PSEN1: variants seen among roughly 807,000 people sequenced by gnomAD.
PSEN1 encodes the protein presenilin-1.
PSEN1 carries 15 observed loss-of-function variants against 53.5 expected under a neutral mutation model. The observed-to-expected ratio is 0.28, with a 90% CI of 0.19 to 0.43. The LOEUF is 0.43. Ranked by LOEUF, PSEN1 falls within the 20% of genes least tolerant of loss-of-function variation. The pLI is 1.00. For missense variants in PSEN1, 387 were observed against 571.2 expected, an observed-to-expected ratio of 0.68 and a Z score of 3.29; for synonymous variants, 208 against 209.8, an observed-to-expected ratio of 0.99 and a Z score of 0.08.
intron 8 of PSEN1, among the ~76,000 whole-genome samples, chr14:73,202,111 C>A (rs2140114052): frequency 6.6e-6 from 1 of 152,066 alleles, no homozygotes; most frequent in African/African-American, 2.4e-5. Flanking sequence ...GTGGCGCAAT[C>A]TCAGCTCACT....
intron 5 of PSEN1, among the ~76,000 whole-genome samples, chr14:73,180,808 T>C (rs1258552219): frequency 1.3e-5 from 2 of 152,286 alleles, no homozygotes; most frequent in Non-Finnish European, 1.5e-5. Context: ...GTGTATAACA[T>C]AGTAATAAAA....
chr14:73,210,231 G>A (rs941759687), intron 9 of PSEN1, among the ~76,000 whole-genome samples: 1 of 152,088 alleles, frequency 6.6e-6, no homozygotes, highest in African/African-American at 2.4e-5. Context: ...TTCATCAGTG[G>A]AAAAAAATGA....
At chr14:73,182,352 G>C (rs952983543) in intron 5 of PSEN1, among the ~76,000 whole-genome samples, 1 of 151,866 alleles carries the variant, frequency 6.6e-6, no homozygotes, top group African/African-American at 2.4e-5. Context: ...AATTAGCCAG[G>C]CATGGTGGTG....
chr14:73,179,648 ACTGT>A (rs1898148218), intron 5 of PSEN1, among the ~76,000 whole-genome samples: 1 of 152,178 alleles, frequency 6.6e-6, no homozygotes, highest in African/African-American at 2.4e-5. Context: ...GGATTTTTAC[ACTGT>A]CTGGGTGTTA....
chr14:73,149,472 T>G (rs1306567617), intron 3 of PSEN1, among the ~76,000 whole-genome samples: 1 of 152,204 alleles, frequency 6.6e-6, no homozygotes, highest in East Asian at 1.9e-4. Flanking sequence ...GCAGTTGAAC[T>G]AGAGCACTGA....
At position 73,220,813 on chromosome 14, in the gene PSEN1, A is replaced by G. The variant is rs1454450783; in HGVS notation, c.*1524A>G. 1 of 152,322 alleles carries G rather than the reference A, an allele frequency of 6.6e-6. No individual in the cohort carries two copies. Among genetic ancestry groups the G allele is most frequent in the African/African-American group, 2.4e-5 (1 of 41,446 alleles). 9.4% of individuals were successfully genotyped at this position (152,322 alleles called of 1,614,324 possible). On this transcript the variant is annotated 3_prime_UTR_variant, in exon 12 of 12. Coordinates refer to ENST00000324501, the MANE Select transcript of PSEN1 (RefSeq NM_000021.4). Reference sequence around the variant, plus strand: ...TGGGCAGCTCAGTCAGGCAAAACACACAAACAGCCATCAGCCTGTGTGGGC... The same window carrying G: ...TGGGCAGCTCAGTCAGGCAAAACACGCAAACAGCCATCAGCCTGTGTGGGC...
chr14:73,187,853 A>G (rs1164119504), intron 6 of PSEN1, among the ~76,000 whole-genome samples: 1 of 152,230 alleles, frequency 6.6e-6, no homozygotes, highest in Admixed American at 6.5e-5. Context: ...TTATCAAGTA[A>G]AAGAAAACTA....
At chr14:73,179,574 G>A (rs904526189) in intron 5 of PSEN1, among the ~76,000 whole-genome samples, 1 of 152,142 alleles carries the variant, frequency 6.6e-6, no homozygotes, top group African/African-American at 2.4e-5. Flanking sequence ...CCAAGATCGT[G>A]CCACTGCACT....
intron 10 of PSEN1, among the ~76,000 whole-genome samples, chr14:73,216,006 A>T (rs994290057): frequency 6.6e-6 from 1 of 152,244 alleles, no homozygotes; most frequent in Admixed American, 6.5e-5. Flanking sequence ...ATAAATGTTC[A>T]TAGCAGCATT....
At chr14:73,162,445 G>GCT (rs1326903978) in intron 3 of PSEN1, among the ~76,000 whole-genome samples, 2 of 142,294 alleles carry the variant, frequency 1.4e-5, no homozygotes, top group African/African-American at 5.1e-5. Context: ...GCTCGCTCGC[G>GCT]CGCTCTCTCT....
intron 10 of PSEN1, 80 bp from the exon 11 acceptor site, chr14:73,217,046 T>A (rs1306210446): frequency 6.4e-6 from 9 of 1,410,844 alleles, no homozygotes; most frequent in Middle Eastern, 3.5e-4. Flanking sequence ...TGGGGTTGAG[T>A]AGGGCAGTGA....
intron 3 of PSEN1, among the ~76,000 whole-genome samples, chr14:73,158,360 C>G (rs561240559): frequency 1.3e-5 from 2 of 151,172 alleles, no homozygotes; most frequent in Non-Finnish European, 2.9e-5. Context: ...TTTGCTCCAT[C>G]TGGAGCAAAG....
intron 7 of PSEN1, 32 bp downstream of exon 7, chr14:73,192,896 C>A: frequency 6.6e-7 from 1 of 1,509,974 alleles, no homozygotes; most frequent in Non-Finnish European, 9.2e-7. Context: ...TTGTTTGTCA[C>A]AGGAATGCCC....
rs371588222 is a variant in PSEN1 at position 73,162,473 on chromosome 14, GGAGA to G, written c.88-8306_88-8303del. On this transcript the variant is annotated intron_variant, in intron 3 of 11. Transcript: ENST00000324501. Reference sequence around the variant, plus strand: ...CTCTCTCTCTCTCTCTCCATGAGAAGGAGAGAGAGAGAGAGAGAGAGCACGCGAA... The same window carrying G: ...CTCTCTCTCTCTCTCTCCATGAGAAGGAGAGAGAGAGAGAGAGCACGCGAA... Among the ~76,000 whole-genome samples, 248 of 145,424 alleles carry G rather than the reference GGAGA, an allele frequency of 1.7e-3. 1 individual carries two copies. The highest frequency in any genetic ancestry group is 5.4e-3 in the African/African-American group (216 of 39,638).
chr14:73,158,287 T>C (rs1201557174), intron 3 of PSEN1, among the ~76,000 whole-genome samples: 1 of 95,734 alleles, frequency 1.0e-5, no homozygotes, highest in Non-Finnish European at 2.3e-5. Flanking sequence ...TTTTTTTCTA[T>C]CTATCTATCT....
At chr14:73,197,472 C>G (rs1038004477) in intron 7 of PSEN1, among the ~76,000 whole-genome samples, 2 of 152,184 alleles carry the variant, frequency 1.3e-5, no homozygotes, top group African/African-American at 2.4e-5. Flanking sequence ...TTTAAATTTA[C>G]TGCCCTCTTA....
At chr14:73,157,668 ACCG>A (rs1897399634) in intron 3 of PSEN1, among the ~76,000 whole-genome samples, 4 of 151,806 alleles carry the variant, frequency 2.6e-5, no homozygotes, top group Admixed American at 2.6e-4. Flanking sequence ...ATGTTTTGTC[ACCG>A]CGCGCAGCCA....
At chr14:73,192,280 A>C (rs999540811) in intron 6 of PSEN1, among the ~76,000 whole-genome samples, 1 of 152,102 alleles carries the variant, frequency 6.6e-6, no homozygotes. Context: ...TGTACAAAAA[A>C]AATTAGAAAA....
chr14:73,160,960 T>C (rs1169852061), intron 3 of PSEN1, among the ~76,000 whole-genome samples: 1 of 150,356 alleles, frequency 6.7e-6, no homozygotes, highest in Non-Finnish European at 1.5e-5. Context: ...TTACCAGATA[T>C]ATGATTTGCT....
Sources: gnomAD v4.1 joint callset for allele counts (sites outside exome capture counted in the v4.1 genomes callset) on GRCh38, gnomAD v4.1.1 for gene constraint, MANE v1.5 for transcripts, NCBI Gene and HGNC (gene_info 2026-07-23, HGNC 2026-07-21) for gene names.